Variants in MAF observed in about 807,000 individuals in gnomAD.
MAF encodes the protein MAF bZIP transcription factor.
A neutral mutation model predicts 22.0 loss-of-function variants in MAF; 10 were observed. That is an observed-to-expected ratio of 0.45 (90% CI 0.28 to 0.77). The LOEUF is 0.77. MAF is among the 30% of genes least tolerant of loss of function. The pLI, the probability that MAF is intolerant of heterozygous loss-of-function variation, is 0.12. For synonymous variants in MAF, 337 were observed against 255.8 expected (o/e 1.32, Z -3.03); for missense variants, 544 against 548.4 (o/e 0.99, Z 0.08).
the MAF span, among the ~76,000 whole-genome samples, chr16:79,498,347 C>A: frequency 1.3e-5 from 2 of 152,154 alleles, no homozygotes; most frequent in Non-Finnish European, 2.9e-5. Flanking sequence ...TCCAACAACA[C>A]CTTACTTATG....
chr16:79,223,023 T>A, the MAF span, among the ~76,000 whole-genome samples: 1 of 152,306 alleles, frequency 6.6e-6, no homozygotes, highest in Admixed American at 6.5e-5. Flanking sequence ...GCAGATCTAA[T>A]AGACATTTAC....
the MAF span, among the ~76,000 whole-genome samples, chr16:79,246,055 CAG>C: frequency 6.6e-6 from 1 of 152,014 alleles, no homozygotes; most frequent in Non-Finnish European, 1.5e-5. Context: ...CAGGGCCTGT[CAG>C]GGGGTGAGGG....
chr16:79,381,125 G>A, the MAF span, among the ~76,000 whole-genome samples: 2 of 152,238 alleles, frequency 1.3e-5, no homozygotes, highest in Non-Finnish European at 1.5e-5. Context: ...TCAGCCAGCA[G>A]CTGCAGCTAG....
chr16:79,301,214 C>T, the MAF span, among the ~76,000 whole-genome samples: 1 of 152,042 alleles, frequency 6.6e-6, no homozygotes, highest in Non-Finnish European at 1.5e-5. Flanking sequence ...TGAAGGACAC[C>T]CCACAGTCCT....
chr16:79,403,546 C>T, the MAF span, among the ~76,000 whole-genome samples: 2 of 152,202 alleles, frequency 1.3e-5, no homozygotes, highest in African/African-American at 4.8e-5. Flanking sequence ...TCATCCTTCT[C>T]TTTGCCTCCC....
chr16:79,582,611 G>T (rs1567554759), downstream of MAF, among the ~76,000 whole-genome samples: 1 of 152,182 alleles, frequency 6.6e-6, no homozygotes, highest in Non-Finnish European at 1.5e-5. Flanking sequence ...TGGAAAGGGG[G>T]TGATGTGGTA....
the MAF span, among the ~76,000 whole-genome samples, chr16:79,535,414 T>C: frequency 1.3e-5 from 2 of 150,924 alleles, no homozygotes; most frequent in African/African-American, 2.4e-5. Flanking sequence ...CTGCTTGTTT[T>C]ATGGGTCATG....
the MAF span, among the ~76,000 whole-genome samples, chr16:79,535,461 T>C: frequency 2.6e-5 from 4 of 151,220 alleles, no homozygotes; most frequent in Non-Finnish European, 4.4e-5. Context: ...TCAAGAGGTG[T>C]GTGAAAATAT....
chr16:79,327,530 G>C, the MAF span, among the ~76,000 whole-genome samples: 1 of 152,186 alleles, frequency 6.6e-6, no homozygotes, highest in Non-Finnish European at 1.5e-5. Flanking sequence ...GATTTGACAA[G>C]GTCACATAGC....
chr16:79,291,989 C>T, the MAF span, among the ~76,000 whole-genome samples: 1 of 151,498 alleles, frequency 6.6e-6, no homozygotes, highest in African/African-American at 2.4e-5. Context: ...CATCGTCCCT[C>T]TTTCAAACAG....
chr16:79,377,522 T>C, the MAF span, among the ~76,000 whole-genome samples: 1 of 152,220 alleles, frequency 6.6e-6, no homozygotes, highest in African/African-American at 2.4e-5. Context: ...GCAGGAGCTC[T>C]TTCGTTTAAT....
At chr16:79,595,504 A>G in intron 1 of MAF, 2 of 1,059,378 alleles carry the variant, frequency 1.9e-6, no homozygotes, top group African/African-American at 1.6e-5. Flanking sequence ...CTAACATTCT[A>G]TTGGTGTGCT....
At chr16:79,515,691 G>C in the MAF span, among the ~76,000 whole-genome samples, 1 of 152,284 alleles carries the variant, frequency 6.6e-6, no homozygotes, top group East Asian at 1.9e-4. Flanking sequence ...AGGCTGGGCC[G>C]TGCTTCCTGC....
At chr16:79,504,635 G>A in the MAF span, among the ~76,000 whole-genome samples, 2 of 152,022 alleles carry the variant, frequency 1.3e-5, no homozygotes, top group African/African-American at 2.4e-5. Flanking sequence ...ATGGGTGAAT[G>A]GATGGATAAA....
chr16:79,237,903 C>T, the MAF span, among the ~76,000 whole-genome samples: 1 of 152,122 alleles, frequency 6.6e-6, no homozygotes, highest in South Asian at 2.1e-4. Flanking sequence ...ATGCACCCTC[C>T]AGGTCCTGTG....
chr16:79,356,697 T>A, the MAF span, among the ~76,000 whole-genome samples: 8 of 152,212 alleles, frequency 5.3e-5, no homozygotes, highest in Non-Finnish European at 1.0e-4. Flanking sequence ...TGGCTCTCAG[T>A]TTAGTTATTA....
At chr16:79,532,134 A>G in the MAF span, among the ~76,000 whole-genome samples, 1 of 152,210 alleles carries the variant, frequency 6.6e-6, no homozygotes, top group African/African-American at 2.4e-5. Context: ...TTCAAATTGA[A>G]CTGGGCATCT....
intron 1 of MAF, chr16:79,596,464 A>G: frequency 9.5e-7 from 1 of 1,052,696 alleles, no homozygotes; most frequent in African/African-American, 1.7e-5. Flanking sequence ...GTACACTAAG[A>G]AACTGAGTAC....
chr16:79,318,966 C>A, the MAF span, among the ~76,000 whole-genome samples: 2 of 151,284 alleles, frequency 1.3e-5, no homozygotes, highest in South Asian at 2.1e-4. Context: ...CACACACACA[C>A]AAATTGAGAG....
Sources: gnomAD v4.1 joint callset for allele counts (sites outside exome capture counted in the v4.1 genomes callset) on GRCh38, gnomAD v4.1.1 for gene constraint, MANE v1.5 for transcripts, NCBI Gene and HGNC (gene_info 2026-07-23, HGNC 2026-07-21) for gene names.